Variants in ZNF608 observed in about 807,000 individuals in gnomAD.
ZNF608 encodes renal carcinoma antigen NY-REN-36.
A neutral mutation model predicts 109.0 loss-of-function variants in ZNF608; 12 were observed. That is an observed-to-expected ratio of 0.11 (90% confidence interval 0.07 to 0.18). ZNF608 has a LOEUF of 0.18. Ranked by LOEUF, ZNF608 falls within the 10% of genes least tolerant of loss-of-function variation. The pLI is 1.00. For missense variants in ZNF608, 1,707 were observed against 1,879.3 expected (o/e 0.91, Z 1.70); for synonymous variants, 732 against 717.4 (o/e 1.02, Z -0.33).
intron 3 of ZNF608, among the ~76,000 whole-genome samples, chr5:124,685,189 TA>T (rs1341406092): frequency 3.3e-5 from 5 of 152,226 alleles, no homozygotes; most frequent in Non-Finnish European, 7.3e-5. Context: ...AGTTCATACG[TA>T]ATAGAATTAA....
At chr5:124,709,102 C>T (rs979839277) in intron 2 of ZNF608, among the ~76,000 whole-genome samples, 19 of 134,060 alleles carry the variant, frequency 1.4e-4, no homozygotes, top group African/African-American at 4.6e-4. Context: ...ACCCAGGAGG[C>T]GGAGATTGCA....
At chr5:124,638,368 T>C (rs1464113182) in intron 9 of ZNF608, among the ~76,000 whole-genome samples, 2 of 152,090 alleles carry the variant, frequency 1.3e-5, no homozygotes, top group Non-Finnish European at 2.9e-5. Context: ...GCAATTCTCA[T>C]GCCTCAGCCT....
At chr5:124,711,316 G>A (rs529327876) in intron 2 of ZNF608, among the ~76,000 whole-genome samples, 1 of 152,334 alleles carries the variant, frequency 6.6e-6, no homozygotes, top group South Asian at 2.1e-4. Flanking sequence ...AGAGGAAGAA[G>A]GAATAACTTT....
intron 2 of ZNF608, among the ~76,000 whole-genome samples, chr5:124,733,738 G>A (rs73782052): frequency 0.015 from 2,278 of 152,088 alleles, 69 homozygotes; most frequent in African/African-American, 0.052. Context: ...ATTTCAATCT[G>A]GCTGTTTTTT....
chr5:124,682,132 G>A (rs1281134488), intron 3 of ZNF608, among the ~76,000 whole-genome samples: 1 of 152,134 alleles, frequency 6.6e-6, no homozygotes, highest in Admixed American at 6.5e-5. Context: ...GAGTGCAATG[G>A]TGCAATCTCC....
intron 2 of ZNF608, among the ~76,000 whole-genome samples, chr5:124,718,503 G>C (rs190894061): frequency 6.6e-5 from 10 of 152,294 alleles, no homozygotes; most frequent in Admixed American, 5.9e-4. Flanking sequence ...ATCATTAGTA[G>C]TCAGACAACA....
intron 3 of ZNF608, among the ~76,000 whole-genome samples, chr5:124,661,107 T>C (rs964155475): frequency 2.0e-5 from 3 of 152,134 alleles, no homozygotes; most frequent in African/African-American, 7.2e-5. Flanking sequence ...TCCTAACCCA[T>C]CCATTGTTTA....
intron 2 of ZNF608, among the ~76,000 whole-genome samples, chr5:124,717,235 G>A (rs1243748368): frequency 6.6e-6 from 1 of 152,056 alleles, no homozygotes; most frequent in African/African-American, 2.4e-5. Context: ...GGAGGCCTAG[G>A]TGGGCGAATC....
chr5:124,653,894 G>A (rs956761696), intron 3 of ZNF608, among the ~76,000 whole-genome samples: 29 of 152,202 alleles, frequency 1.9e-4, no homozygotes, highest in African/African-American at 7.0e-4. Context: ...CAACTGCACT[G>A]TTGGTGCAAC....
chr5:124,645,229 C>T (rs144736341), intron 5 of ZNF608, among the ~76,000 whole-genome samples: 251 of 152,280 alleles, frequency 1.6e-3, no homozygotes, highest in Middle Eastern at 0.01. Context: ...CTTCTCATTA[C>T]GTGTTAACAT....
chr5:124,648,262 T>G lies in ZNF608; in HGVS notation c.2122A>C (p.Lys708Gln). The change falls in exon 5 of 10, where the codon AAG (lysine) becomes CAG (glutamine). Residue 708 changes from lysine to glutamine, a missense_variant. Physicochemically the swap from Lys to Gln is moderately conservative, Grantham distance 53. Around this residue, in one of 7 missense-constraint regions of ZNF608, gnomAD observed 1,073 missense variants for 1,133.5 expected, o/e 0.95. Transcript: ENST00000513986. ...TTTTCTTTATCTCCTAAATTTTTCTTGTCAATTAATCCTTCTGCTTCCAGT... is the reference window on the plus strand; with the variant it reads ...TTTTCTTTATCTCCTAAATTTTTCTGGTCAATTAATCCTTCTGCTTCCAGT... ...PKLEAEGLID[K>Q]KNLGDKEKGK... 6.2e-7 allele frequency: 1 copy of G among 1,614,218 alleles called. No individual in the cohort carries two copies. Among genetic ancestry groups the G allele is most frequent in the East Asian group, 2.2e-5 (1 of 44,892 alleles).
At chr5:124,643,080 C>G (rs1750322501) in intron 7 of ZNF608, among the ~76,000 whole-genome samples, 1 of 152,128 alleles carries the variant, frequency 6.6e-6, no homozygotes, top group Non-Finnish European at 1.5e-5. Flanking sequence ...TGCAAGAAAA[C>G]ATTTTTTGAA....
chr5:124,727,652 C>CCA (rs1554092604), intron 2 of ZNF608, among the ~76,000 whole-genome samples: 1 of 82,448 alleles, frequency 1.2e-5, no homozygotes, highest in Non-Finnish European at 2.2e-5. Flanking sequence ...AAAATCAGAC[C>CCA]AAAAAAAAAA....
At chr5:124,668,195 A>T (rs929459504) in intron 3 of ZNF608, among the ~76,000 whole-genome samples, 13 of 135,688 alleles carry the variant, frequency 9.6e-5, no homozygotes, top group African/African-American at 2.5e-4. Context: ...TATGCTTAAA[A>T]ATATATATAT....
chr5:124,667,085 G>T (rs1461711936), intron 3 of ZNF608, among the ~76,000 whole-genome samples: 1 of 152,030 alleles, frequency 6.6e-6, no homozygotes, highest in Non-Finnish European at 1.5e-5. Context: ...ATATAAATTA[G>T]CAATTCAATT....
At chr5:124,712,242 T>C (rs2149867878) in intron 2 of ZNF608, among the ~76,000 whole-genome samples, 1 of 152,150 alleles carries the variant, frequency 6.6e-6, no homozygotes, top group African/African-American at 2.4e-5. Flanking sequence ...CTCGGGAAGG[T>C]GGCAGAAGAG....
At chr5:124,719,401 G>A (rs532107935) in intron 2 of ZNF608, among the ~76,000 whole-genome samples, 62 of 152,324 alleles carry the variant, frequency 4.1e-4, no homozygotes, top group Non-Finnish European at 8.1e-4. Context: ...GCCACACTGC[G>A]AAATGTGTGG....
chr5:124,655,953 C>G (rs1750986368), intron 3 of ZNF608, among the ~76,000 whole-genome samples: 1 of 152,186 alleles, frequency 6.6e-6, no homozygotes, highest in African/African-American at 2.4e-5. Flanking sequence ...ATCAGAGGGA[C>G]TTTCCCATTA....
chr5:124,711,188 C>T (rs1753474217), intron 2 of ZNF608, among the ~76,000 whole-genome samples: 1 of 152,182 alleles, frequency 6.6e-6, no homozygotes, highest in Admixed American at 6.5e-5. Context: ...GGTTTCCCCA[C>T]CTTGAGAACA....
Sources: allele counts gnomAD v4.1 joint callset (sites outside exome capture counted in the v4.1 genomes callset), GRCh38; gene constraint gnomAD v4.1.1; regional missense constraint gnomAD v4.1.1; transcripts MANE v1.5; gene names NCBI Gene and HGNC (gene_info 2026-07-23, HGNC 2026-07-21).